ESR1: variants seen among roughly 807,000 people sequenced by gnomAD.
ESR1 encodes the protein estrogen receptor.
In ESR1, 12 loss-of-function variants were observed where a neutral mutation model predicts 52.7. The observed-to-expected ratio is 0.23, with a 90% CI of 0.15 to 0.37. ESR1 has a LOEUF of 0.37. ESR1 is among the 10% of genes least tolerant of loss of function. ESR1 has a pLI of 1.00. For synonymous variants in ESR1, 305 were observed against 316.8 expected (o/e 0.96, Z 0.39); for missense variants, 584 against 779.7 (o/e 0.75, Z 2.99).
chr6:152,129,052 G>C (rs72993700), exon 7 of ESR1: 12 of 152,398 alleles, frequency 7.9e-5, no homozygotes, highest in Non-Finnish European at 1.6e-4. Flanking sequence ...GTGCTGGACA[G>C]AGCAGAGCTG....
chr6:151,775,960 G>A (rs1313252567), intron 2 of ESR1, among the ~76,000 whole-genome samples: 1 of 152,186 alleles, frequency 6.6e-6, no homozygotes. Context: ...TGAATAGCAA[G>A]GGTTGTGGTC....
At chr6:151,973,539 A>C (rs1445807175) in intron 4 of ESR1, among the ~76,000 whole-genome samples, 1 of 152,144 alleles carries the variant, frequency 6.6e-6, no homozygotes, top group Non-Finnish European at 1.5e-5. Flanking sequence ...CAAAGCTGTC[A>C]CTGCTATTAA....
intron 4 of ESR1, among the ~76,000 whole-genome samples, chr6:151,950,525 C>G (rs1584421440): frequency 6.6e-6 from 1 of 152,080 alleles, no homozygotes; most frequent in Non-Finnish European, 1.5e-5. Flanking sequence ...TAATCAACTT[C>G]AAGTGAAGTC....
rs1382387700 is a variant in ESR1, at chr6:152,100,010, G to T, written c.*1044G>T. On this transcript the variant is annotated 3_prime_UTR_variant, in exon 8 of 8. Transcript: ENST00000206249. ...TGAACAGTACTTGTGCAGGATTGTTGTGGCTACTAGAGAACAAGAGGGAAA... is the reference window on the plus strand; with the variant it reads ...TGAACAGTACTTGTGCAGGATTGTTTTGGCTACTAGAGAACAAGAGGGAAA... The T allele has an allele frequency of 7.5e-6, 3 of 398,742 alleles. No individual in the cohort carries two copies. The highest frequency in any genetic ancestry group is 1.3e-5 in the Non-Finnish European group (3 of 226,182). 24.7% of individuals were successfully genotyped at this position (398,742 alleles called of 1,614,324 possible). A position where few individuals can be genotyped will look rare whatever the true frequency, so the allele number is the denominator to read the frequency against.
chr6:152,120,994 C>T (rs2673778), intron 6 of ESR1, among the ~76,000 whole-genome samples: 35,216 of 152,002 alleles, frequency 0.23, 4,236 homozygotes, highest in African/African-American at 0.3. Context: ...TCTCTCTCTC[C>T]CCCAATTCTG....
intron 2 of ESR1, among the ~76,000 whole-genome samples, chr6:151,726,820 T>G (rs1185101354): frequency 6.6e-6 from 1 of 152,230 alleles, no homozygotes; most frequent in Non-Finnish European, 1.5e-5. Flanking sequence ...GTGACATTTT[T>G]ATTTCTTCTT....
At chr6:151,835,413 AG>A (rs1783161862) in intron 1 of ESR1, among the ~76,000 whole-genome samples, 1 of 152,180 alleles carries the variant, frequency 6.6e-6, no homozygotes, top group African/African-American at 2.4e-5. Flanking sequence ...CAGAGCCCTG[AG>A]GAACACTGGT....
intron 3 of ESR1, among the ~76,000 whole-genome samples, chr6:151,917,451 C>T (rs1584212466): frequency 6.6e-6 from 1 of 152,246 alleles, no homozygotes; most frequent in African/African-American, 2.4e-5. Flanking sequence ...CAGCTTGCCA[C>T]GGCTGTCTCT....
At chr6:151,808,550 CAG>C (rs781665366) in intron 1 of ESR1, among the ~76,000 whole-genome samples, 186 bp downstream of exon 1, 19 of 152,164 alleles carry the variant, frequency 1.2e-4, no homozygotes, top group Non-Finnish European at 1.6e-4. Flanking sequence ...GCGCTGCGTT[CAG>C]AGTCAAGTTC....
At chr6:152,033,006 T>C (rs1322659332) in intron 5 of ESR1, among the ~76,000 whole-genome samples, 1 of 152,182 alleles carries the variant, frequency 6.6e-6, no homozygotes, top group Non-Finnish European at 1.5e-5. Flanking sequence ...AACTGTCTGA[T>C]CTTTGACAAA....
chr6:151,787,344 A>G (rs1583285019), intron 2 of ESR1, among the ~76,000 whole-genome samples: 1 of 152,240 alleles, frequency 6.6e-6, no homozygotes, highest in South Asian at 2.1e-4. Flanking sequence ...TTGGTTCCAT[A>G]TGAATTTTAA....
intron 2 of ESR1, among the ~76,000 whole-genome samples, chr6:151,867,606 C>T (rs1790178775): frequency 6.6e-6 from 1 of 152,196 alleles, no homozygotes; most frequent in South Asian, 2.1e-4. Context: ...GACATACTAT[C>T]TCACACCAGT....
At chr6:151,965,538 G>C (rs1352967584) in intron 4 of ESR1, among the ~76,000 whole-genome samples, 1 of 152,008 alleles carries the variant, frequency 6.6e-6, no homozygotes, top group Non-Finnish European at 1.5e-5. Context: ...TGAGAGTAAG[G>C]AATTTAGTAC....
intron 2 of ESR1, among the ~76,000 whole-genome samples, chr6:151,798,096 T>G (rs906589468): frequency 6.6e-6 from 1 of 152,158 alleles, no homozygotes; most frequent in Non-Finnish European, 1.5e-5. Flanking sequence ...CTGAGAAGGC[T>G]GTGTTGAGGA....
intron 2 of ESR1, among the ~76,000 whole-genome samples, chr6:151,755,070 C>A (rs375565550): frequency 1.4e-4 from 22 of 152,080 alleles, no homozygotes; most frequent in African/African-American, 5.1e-4. Flanking sequence ...CTTAGCTGGA[C>A]GTGATGGTGC....
chr6:151,900,814 G>A lies in ESR1; in HGVS notation c.760+20043G>A, dbSNP rs149698211. ...ATGGGCTGTTTTCAGGTCTCACAGC[G>A]TTGGATTCCAGCACCTGCTCTGATA... On this transcript the variant is annotated intron_variant, in intron 3 of 7. Transcript: ENST00000206249. Among the ~76,000 whole-genome samples, 551 of 152,342 alleles carry A rather than the reference G, an allele frequency of 3.6e-3. 3 individuals are homozygous for A. The highest frequency in any genetic ancestry group is 5.9e-3 in the Non-Finnish European group (403 of 68,040).
At chr6:151,666,817 A>C (rs1393232337) in intron 1 of ESR1, among the ~76,000 whole-genome samples, 2 of 150,762 alleles carry the variant, frequency 1.3e-5, no homozygotes, top group Non-Finnish European at 1.5e-5. Context: ...TGGAGGACGA[A>C]GGTTCTGTTT....
At chr6:151,750,955 G>A (rs1455718646) in intron 2 of ESR1, among the ~76,000 whole-genome samples, 1 of 152,220 alleles carries the variant, frequency 6.6e-6, no homozygotes, top group Non-Finnish European at 1.5e-5. Context: ...TGGCGTTTAT[G>A]CAAAATGCAG....
At chr6:151,821,716 T>C (rs1279441585) in intron 1 of ESR1, among the ~76,000 whole-genome samples, 1 of 152,202 alleles carries the variant, frequency 6.6e-6, no homozygotes, top group East Asian at 1.9e-4. Flanking sequence ...AAAAAAATAA[T>C]TTGATCTGTG....
Sources: gnomAD v4.1 joint callset for allele counts (sites outside exome capture counted in the v4.1 genomes callset) on GRCh38, gnomAD v4.1.1 for gene constraint, MANE v1.5 for transcripts, NCBI Gene and HGNC (gene_info 2026-07-23, HGNC 2026-07-21) for gene names.